The following VWA3B variants were observed in gnomAD, a reference collection of about 807,000 sequenced individuals.
The protein encoded by VWA3B is von Willebrand factor A domain containing 3B, also known as von Willebrand factor A domain-containing protein 3B.
In VWA3B, 138 loss-of-function variants were observed where a neutral mutation model predicts 158.3. The observed-to-expected ratio is 0.87, with a 90% CI of 0.76 to 1.00. The LOEUF (loss-of-function observed/expected upper bound fraction) is 1.00, where lower values mean the gene tolerates loss of function less well. Ranked by LOEUF, VWA3B falls within the 50% of genes least tolerant of loss-of-function variation. VWA3B has a pLI of 0.00. For synonymous variants in VWA3B, 596 were observed against 587.3 expected, an observed-to-expected ratio of 1.01 and a Z score of -0.21; for missense variants, 1,555 against 1,565.1, an observed-to-expected ratio of 0.99 and a Z score of 0.11.
intron 7 of VWA3B, among the ~76,000 whole-genome samples, chr2:98,154,434 C>T (rs1462060272): frequency 3.9e-5 from 6 of 152,166 alleles, no homozygotes; most frequent in African/African-American, 7.2e-5. Flanking sequence ...CTTCCCTTAG[C>T]GCACACATTT....
At chr2:98,257,598 C>T (rs1433275892) in intron 21 of VWA3B, among the ~76,000 whole-genome samples, 1 of 151,656 alleles carries the variant, frequency 6.6e-6, no homozygotes, top group African/African-American at 2.4e-5. Context: ...GGCTATTCTG[C>T]TGTGGTTTTG....
chr2:98,308,227 C>T (rs931568127), intron 26 of VWA3B, among the ~76,000 whole-genome samples: 1 of 152,130 alleles, frequency 6.6e-6, no homozygotes, highest in African/African-American at 2.4e-5. Context: ...ACCAGCTAGG[C>T]GGGTGCAGAT....
intron 22 of VWA3B, among the ~76,000 whole-genome samples, chr2:98,277,998 G>A (rs1489485847): frequency 6.6e-6 from 1 of 151,962 alleles, no homozygotes; most frequent in Admixed American, 6.6e-5. Context: ...GAGGTGTGAG[G>A]CATTACACCC....
intron 12 of VWA3B, among the ~76,000 whole-genome samples, chr2:98,196,114 C>A (rs1262401553): frequency 3.3e-5 from 5 of 152,098 alleles, no homozygotes; most frequent in Non-Finnish European, 7.4e-5. Context: ...AGACTAGGAG[C>A]AGGGTGCTGG....
chr2:98,128,388 G>A lies in VWA3B; in HGVS notation c.852G>A (p.Leu284=). 6.2e-7 allele frequency: 1 copy of A among 1,613,716 alleles called. No individual in the cohort carries two copies. Among genetic ancestry groups the A allele is most frequent in the Non-Finnish European group, 8.5e-7 (1 of 1,179,864 alleles). Residue 284 remains leucine (L), a synonymous_variant, in exon 6 of 28, where the codon CTG becomes CTA. Transcript: ENST00000477737. ...GEGTIAFLKD[L]SAKTHSRFHA... ...GCACTATAGCTTTTCTAAAGGATCTGAGTGCCAAGACCCACAGCAGGTAGG... is the reference window on the plus strand; with the variant it reads ...GCACTATAGCTTTTCTAAAGGATCTAAGTGCCAAGACCCACAGCAGGTAGG...
chr2:98,148,886 C>A (rs1281878693), intron 7 of VWA3B, among the ~76,000 whole-genome samples: 1 of 152,116 alleles, frequency 6.6e-6, no homozygotes, highest in Non-Finnish European at 1.5e-5. Context: ...TTCCACCTAC[C>A]CTTATATTTA....
At chr2:98,268,168 G>C (rs1301558092) in intron 21 of VWA3B, among the ~76,000 whole-genome samples, 1 of 151,246 alleles carries the variant, frequency 6.6e-6, no homozygotes, top group Non-Finnish European at 1.5e-5. Flanking sequence ...GAAAAAGAGG[G>C]AATCCTCCCT....
At chr2:98,171,160 T>C (rs1679550745) in intron 8 of VWA3B, among the ~76,000 whole-genome samples, 1 of 152,194 alleles carries the variant, frequency 6.6e-6, no homozygotes, top group South Asian at 2.1e-4. Context: ...TAGTGCTTAC[T>C]CAATGTAGCA....
At chr2:98,128,537 T>G in intron 6 of VWA3B, 129 bp downstream of exon 6, 1 of 910,452 alleles carries the variant, frequency 1.1e-6, no homozygotes, top group Non-Finnish European at 1.6e-6. Flanking sequence ...CAGTATATTA[T>G]TTAGTCTCTC....
At chr2:98,209,709 G>A (rs1683339837) in intron 12 of VWA3B, among the ~76,000 whole-genome samples, 2 of 152,170 alleles carry the variant, frequency 1.3e-5, no homozygotes, top group African/African-American at 4.8e-5. Context: ...AGAGATTTCT[G>A]AGGCTCTGTT....
At chr2:98,204,836 A>T (rs1210057568) in intron 12 of VWA3B, among the ~76,000 whole-genome samples, 1 of 152,168 alleles carries the variant, frequency 6.6e-6, no homozygotes, top group East Asian at 1.9e-4. Flanking sequence ...GCGGCCAGGC[A>T]CGGTAGGTCA....
chr2:98,133,807 ATC>A lies in VWA3B; in HGVS notation c.873-13_873-12del. 2 of 1,611,724 alleles carry A rather than the reference ATC, an allele frequency of 1.2e-6. No individual in the cohort carries two copies. The highest frequency in any genetic ancestry group is 1.7e-6 in the Non-Finnish European group (2 of 1,177,876). On this transcript the variant is annotated splice_polypyrimidine_tract_variant and intron_variant, in intron 6 of 27. Coordinates refer to ENST00000477737, the MANE Select transcript of VWA3B (RefSeq NM_144992.5). ...CCTGCGTACTGCCTTCCTAATGAGC[ATC>A]TCTTCACGTTTCAGATTCCACGCAT...
At chr2:98,192,810 C>T in intron 10 of VWA3B, 88 bp from the exon 11 acceptor site, 1 of 1,565,288 alleles carries the variant, frequency 6.4e-7, no homozygotes, top group Non-Finnish European at 8.8e-7. Context: ...CAGCTCTGTC[C>T]TCTGCAGATG....
At chr2:98,301,988 C>T (rs747607885) in intron 25 of VWA3B, among the ~76,000 whole-genome samples, 60 of 152,078 alleles carry the variant, frequency 3.9e-4, no homozygotes, top group Non-Finnish European at 7.1e-4. Flanking sequence ...GTTTACGAAA[C>T]TGATGATGTA....
rs991341545 is a variant in VWA3B, at chr2:98,290,443, A to G, written c.3046-68A>G. ...GCCAAACCATATCACTAGGCTACCC[A>G]GTATTTATCATTTTCAGCATCTGCA... On this transcript the variant is annotated intron_variant, in intron 22 of 27. Coordinates refer to ENST00000477737, the MANE Select transcript of VWA3B (RefSeq NM_144992.5). 25 of 1,154,998 alleles carry G rather than the reference A, an allele frequency of 2.2e-5. No homozygotes were observed. In the Admixed American group the frequency reaches 2.3e-4, roughly 11 times the overall value. The allele number at this position is 1,154,998 out of a possible 1,614,324, so 71.5% of individuals were successfully genotyped here. A position where few individuals can be genotyped will look rare whatever the true frequency, so the allele number is the denominator to read the frequency against.
chr2:98,182,320 A>T (rs187111269), intron 9 of VWA3B, among the ~76,000 whole-genome samples: 1 of 152,196 alleles, frequency 6.6e-6, no homozygotes, highest in Non-Finnish European at 1.5e-5. Flanking sequence ...CTGGCCGGCC[A>T]CTGAGCCCTA....
In VWA3B at chr2:98,256,142, T is replaced by C. The variant is rs77642796; in HGVS notation, c.2811T>C (p.Val937=). Residue 937 remains valine (V), a synonymous_variant, in exon 21 of 28, where the codon GTT becomes GTC. Transcript: ENST00000477737. ...TTAACAGGCGCTTGAATAAAATTGT[T>C]TGGCGAGCATTATCTCAAGAGGAAA... ...QSYEKRLNKI[V]WRALSQEEKE... is the part of the protein sequence containing the mutation. 6.2e-7 allele frequency: 1 copy of C among 1,613,688 alleles called. No homozygotes were observed. The highest frequency in any genetic ancestry group is 1.1e-5 in the South Asian group (1 of 91,030).
intron 23 of VWA3B, among the ~76,000 whole-genome samples, chr2:98,297,339 C>T (rs1467325645): frequency 2.0e-5 from 3 of 152,184 alleles, no homozygotes; most frequent in Non-Finnish European, 2.9e-5. Flanking sequence ...GCCTCAGCCT[C>T]CCAAGGTTCT....
At chr2:98,203,439 G>T (rs1301260157) in intron 12 of VWA3B, among the ~76,000 whole-genome samples, 2 of 152,074 alleles carry the variant, frequency 1.3e-5, no homozygotes, top group African/African-American at 4.8e-5. Flanking sequence ...TACAAAAATT[G>T]AAAACAAACT....
Sources: gnomAD v4.1 joint callset for allele counts (sites outside exome capture counted in the v4.1 genomes callset) on GRCh38, gnomAD v4.1.1 for gene constraint, MANE v1.5 for transcripts, NCBI Gene and HGNC (gene_info 2026-07-23, HGNC 2026-07-21) for gene names.